The following ROPN1L variants were observed in gnomAD, a reference collection of about 807,000 sequenced individuals.
ROPN1L encodes the protein rhophilin associated tail protein 1 like, also known as ropporin-1-like protein.
ROPN1L carries 23 observed loss-of-function variants against 22.7 expected under a neutral mutation model. The observed-to-expected ratio is 1.01, with a 90% CI of 0.73 to 1.43. The LOEUF (loss-of-function observed/expected upper bound fraction) is 1.43, where lower values mean the gene tolerates loss of function less well. Ranked by LOEUF, ROPN1L falls within the 40% of genes most tolerant of loss-of-function variation. ROPN1L has a pLI of 0.00. For synonymous variants in ROPN1L, 116 were observed against 117.8 expected, an observed-to-expected ratio of 0.98 and a Z score of 0.10; for missense variants, 271 against 291.5, an observed-to-expected ratio of 0.93 and a Z score of 0.51.
intron 3 of ROPN1L, among the ~76,000 whole-genome samples, chr5:10,450,860 A>G (rs1741232356): frequency 6.6e-6 from 1 of 152,212 alleles, no homozygotes; most frequent in Non-Finnish European, 1.5e-5. Flanking sequence ...ATGTTTGAGT[A>G]TAAGCCAAGC....
In ROPN1L at chr5:10,461,299, T is replaced by G. The variant is rs1385037812; in HGVS notation, c.533T>G (p.Leu178Ter). The G allele has an allele frequency of 6.2e-7, 1 of 1,614,050 alleles. No individual in the cohort carries two copies. Among genetic ancestry groups the G allele is most frequent in the Non-Finnish European group, 8.5e-7 (1 of 1,180,026 alleles). Residue 178 changes from leucine (L) to a stop codon, truncating the protein, a stop_gained, in exon 4 of 5, where the codon TTA (leucine) becomes TGA (stop). Transcript: ENST00000274134. LOFTEE classifies it high-confidence loss of function. ...TACGTTTACCGCTACTTGGCCAGAT[T>G]AGACTCAGATGTGTCTCCCTTGGAG... ...FSYVYRYLARLDSDVSPLETE... is the reference protein window; with the variant it reads ...FSYVYRYLAR
Position 10,471,550 on chromosome 5 carries a change from TA to T in ROPN1L, n.886-259del, listed in dbSNP as rs542815443. On this transcript the variant is annotated intron_variant and non_coding_transcript_variant, in intron 4 of 4. Coordinates refer to the ROPN1L transcript ENST00000510520. ...GTTTCAAGGAGACTGCTTACTAAGATATGGGGAGGGCTGAGGGGAGCCCACA... is the reference window on the plus strand; with the variant it reads ...GTTTCAAGGAGACTGCTTACTAAGATTGGGGAGGGCTGAGGGGAGCCCACA... 1.9e-3 allele frequency among the ~76,000 whole-genome samples: 293 copies of T among 152,234 alleles called. 2 individuals carry two copies. The highest frequency in any genetic ancestry group is 6.8e-3 in the African/African-American group (282 of 41,558).
intron 4 of ROPN1L, among the ~76,000 whole-genome samples, chr5:10,464,493 C>CTG (rs1205153190): frequency 6.6e-6 from 1 of 152,238 alleles, no homozygotes. Context: ...CCACCTGGGA[C>CTG]ATGGGTGGTT....
At chr5:10,460,816 C>T (rs189877171) in intron 3 of ROPN1L, among the ~76,000 whole-genome samples, 231 of 152,356 alleles carry the variant, frequency 1.5e-3, no homozygotes, top group African/African-American at 5.3e-3. Flanking sequence ...TTCATTCAGC[C>T]CCTGGGCACG....
chr5:10,468,079 G>T (rs1735184247), downstream of ROPN1L, among the ~76,000 whole-genome samples: 1 of 152,158 alleles, frequency 6.6e-6, no homozygotes, highest in African/African-American at 2.4e-5. Flanking sequence ...CCCTCCCCCA[G>T]CACAGTTGGG....
At chr5:10,468,724 G>A (rs147344854), downstream of ROPN1L, among the ~76,000 whole-genome samples, 1,294 of 152,346 alleles carry the variant, frequency 8.5e-3, 12 homozygotes, top group African/African-American at 0.03. Context: ...CATGGGAGGA[G>A]GTGCCTGAGG....
the ROPN1L span, among the ~76,000 whole-genome samples, chr5:10,480,185 G>A: frequency 6.6e-6 from 1 of 152,248 alleles, no homozygotes; most frequent in Non-Finnish European, 1.5e-5. Context: ...AGTTATTTCA[G>A]CTGGGGGATT....
rs1741144091 is a variant in ROPN1L at position 10,448,364 on chromosome 5, T to C, written c.236T>C (p.Leu79Pro). 6.2e-7 allele frequency: 1 copy of C among 1,614,052 alleles called. No homozygotes were observed. The highest frequency in any genetic ancestry group is 2.2e-5 in the East Asian group (1 of 44,890). ...GACACAGGCCTGACTCAAGGACTCC[T>C]GAAAGTTTTGCACAAGCAGGTATGG... ...KTDTGLTQGL[L>P]KVLHKQCHHK... The change falls in exon 2 of 5, where the codon CTG becomes CCG. Residue 79 changes from leucine (L) to proline (P), a missense_variant. Physicochemically the swap from Leu to Pro is moderately conservative, Grantham distance 98. Transcript: ENST00000274134.
At chr5:10,456,033 C>T (rs777505730) in intron 3 of ROPN1L, among the ~76,000 whole-genome samples, 1 of 152,196 alleles carries the variant, frequency 6.6e-6, no homozygotes, top group Non-Finnish European at 1.5e-5. Flanking sequence ...TGAGGGGCCT[C>T]ATATCATCAT....
chr5:10,464,852 G>T lies in ROPN1L; in HGVS notation c.598G>T (p.Ala200Ser), dbSNP rs137857729. Residue 200 changes from alanine (A) to serine (S), a missense_variant, in exon 5 of 5, where the codon GCC becomes TCC. Coordinates refer to ENST00000274134, the MANE Select transcript of ROPN1L (RefSeq NM_031916.5). Reference protein sequence around the residue: ...YLASLKENIDARKNGMIGLSD... With the variant: ...YLASLKENIDSRKNGMIGLSD... ...CTTTATCTGTTTCCAATTTAGAGAC[G>T]CCAGGAAGAACGGCATGATAGGTCT... 21 of 1,585,416 alleles carry T rather than the reference G, an allele frequency of 1.3e-5. No individual in the cohort carries two copies. The highest frequency in any genetic ancestry group is 1.8e-5 in the Admixed American group (1 of 54,918).
chr5:10,442,032 C>T lies in ROPN1L; in HGVS notation c.-136C>T. ...AGAGCCCCGCGAATCCGGCCCCAACCTCGGGAACGGGATGGGAGGCGGCCC... is the reference window on the plus strand; with the variant it reads ...AGAGCCCCGCGAATCCGGCCCCAACTTCGGGAACGGGATGGGAGGCGGCCC... On this transcript the variant is annotated 5_prime_UTR_variant, in exon 1 of 5. Coordinates refer to ENST00000274134, the MANE Select transcript of ROPN1L (RefSeq NM_031916.5). The T allele has an allele frequency of 5.5e-6, 7 of 1,282,674 alleles. No individual in the cohort carries two copies. The Admixed American group carries it at 7.0e-5, about 13-fold the overall frequency. The allele number at this position is 1,282,674 out of a possible 1,614,324, so 79.5% of individuals were successfully genotyped here.
chr5:10,442,352 G>A, intron 1 of ROPN1L, 54 bp downstream of exon 1: 1 of 1,594,126 alleles, frequency 6.3e-7, no homozygotes, highest in Non-Finnish European at 8.5e-7. Context: ...AGCCAGACGA[G>A]CCCAGAGAGC....
intron 4 of ROPN1L, 198 bp downstream of exon 4, chr5:10,461,557 C>G (rs986078417): frequency 2.0e-5 from 11 of 554,324 alleles, no homozygotes; most frequent in Non-Finnish European, 2.2e-5. Context: ...GCAGCAGACA[C>G]CAGCTGTGCA....
rs1285105848 is a variant in ROPN1L, at chr5:10,448,271, C to A, written c.143C>A (p.Ala48Asp). 2 of 1,614,060 alleles carry A rather than the reference C, an allele frequency of 1.2e-6. No homozygotes were observed. The highest frequency in any genetic ancestry group is 1.7e-6 in the Non-Finnish European group (2 of 1,179,970). The change falls in exon 2 of 5, where the codon GCT becomes GAT. Residue 48 changes from alanine (A) to aspartate (D), a missense_variant. By Grantham distance (126) the Ala-to-Asp change is moderately radical. Coordinates refer to ENST00000274134, the MANE Select transcript of ROPN1L (RefSeq NM_031916.5). ...CTGTTATTTATTAGCTATTTTTCAG[C>A]TCTGTCGAGAGGAGATCCACTTCCT... The part of the protein sequence containing the change: ...VLRWSAGYFS[A>D]LSRGDPLPVK...
downstream of ROPN1L, chr5:10,472,135 A>T (rs1229018947): frequency 6.6e-6 from 1 of 152,242 alleles, no homozygotes; most frequent in Non-Finnish European, 1.5e-5. Flanking sequence ...AGAAGTTGGG[A>T]GGAAGGCTGC....
Position 10,448,352 on chromosome 5 carries a change from C to A in ROPN1L, c.224C>A (p.Thr75Asn), listed in dbSNP as rs1272185709. 6.2e-7 allele frequency: 1 copy of A among 1,614,056 alleles called. No homozygotes were observed. Among genetic ancestry groups the A allele is most frequent in the African/African-American group, 1.3e-5 (1 of 74,902 alleles). ...TATQKTDTGL[T>N]QGLLKVLHKQ... ...ACCCAGAAAACAGACACAGGCCTGA[C>A]TCAAGGACTCCTGAAAGTTTTGCAC... Residue 75 changes from threonine to asparagine, a missense_variant, in exon 2 of 5, where the codon ACT (threonine) becomes AAT (asparagine). Transcript: ENST00000274134.
At chr5:10,450,828 TA>T (rs1015264052) in intron 3 of ROPN1L, among the ~76,000 whole-genome samples, 2 of 152,180 alleles carry the variant, frequency 1.3e-5, no homozygotes, top group African/African-American at 4.8e-5. Context: ...TAATAACTAA[TA>T]GATACAGTGA....
At chr5:10,445,764 A>G (rs1741039605) in intron 1 of ROPN1L, among the ~76,000 whole-genome samples, 1 of 152,166 alleles carries the variant, frequency 6.6e-6, no homozygotes, top group Non-Finnish European at 1.5e-5. Context: ...TGTCTGTACT[A>G]AAAATAAAAT....
At chr5:10,443,198 T>A (rs1001240686) in intron 1 of ROPN1L, among the ~76,000 whole-genome samples, 2 of 151,814 alleles carry the variant, frequency 1.3e-5, no homozygotes, top group African/African-American at 2.4e-5. Context: ...GTATTTTTTT[T>A]AATAAGAAAA....
Sources: allele counts gnomAD v4.1 joint callset (sites outside exome capture counted in the v4.1 genomes callset), GRCh38; gene constraint gnomAD v4.1.1; transcripts MANE v1.5; gene names NCBI Gene and HGNC (gene_info 2026-07-23, HGNC 2026-07-21).